Variants in ICE2 observed in about 807,000 individuals in gnomAD.
ICE2 encodes the protein interactor of little elongation complex ELL subunit 2.
Under a neutral mutation model 105.4 loss-of-function variants are expected in ICE2, and 87 were observed. That is an observed-to-expected ratio of 0.83 (90% CI 0.69 to 0.99). The LOEUF is 0.99. Among genes scored for constraint, ICE2 ranks in the 50% least tolerant of loss-of-function variants. The pLI, the probability that ICE2 is intolerant of heterozygous loss-of-function variation, is 0.00. For synonymous variants in ICE2, 399 were observed against 392.0 expected, an observed-to-expected ratio of 1.02 and a Z score of -0.21; for missense variants, 1,323 against 1,146.7, an observed-to-expected ratio of 1.15 and a Z score of -2.22.
chr15:60,436,031 A>C (rs1474436323), intron 13 of ICE2, 112 bp downstream of exon 13: 1 of 506,492 alleles, frequency 2.0e-6, no homozygotes, highest in Admixed American at 4.2e-5. Context: ...ACCTCTATAC[A>C]TAAAAAGACT....
intron 12 of ICE2, among the ~76,000 whole-genome samples, chr15:60,436,715 T>G (rs1418812066): frequency 6.7e-5 from 4 of 59,894 alleles, no homozygotes; most frequent in Admixed American, 2.2e-4. Flanking sequence ...AGCCAGACTC[T>G]GTCTCAAAAA....
chr15:60,428,119 C>A (rs2063377538), intron 15 of ICE2, among the ~76,000 whole-genome samples: 1 of 152,084 alleles, frequency 6.6e-6, no homozygotes, highest in African/African-American at 2.4e-5. Context: ...TTACAAAAAA[C>A]CCCACAACTT....
At chr15:60,468,363 A>G in intron 3 of ICE2, 41 bp from the exon 4 acceptor site, 2 of 1,473,244 alleles carry the variant, frequency 1.4e-6, no homozygotes, top group Non-Finnish European at 1.9e-6. Flanking sequence ...TGCTTTTCAC[A>G]TGAAGATTAC....
chr15:60,453,479 A>G lies in ICE2; in HGVS notation c.1125+124T>C, dbSNP rs1272665789. 4.8e-6 allele frequency: 7 copies of G among 1,446,202 alleles called. No homozygotes were observed. In the African/African-American group the frequency reaches 8.6e-5, roughly 18 times the overall value. 89.6% of individuals were successfully genotyped at this position (1,446,202 alleles called of 1,614,324 possible). A position where few individuals can be genotyped will look rare whatever the true frequency, so the allele number is the denominator to read the frequency against. ...AAAGTCCAGCTAGACTCGAAATTCA[A>G]TTTCAGTTTGAATCTAAAGCCTGTA... On this transcript the variant is annotated intron_variant, in intron 9 of 15. Transcript: ENST00000261520.
Position 60,448,977 on chromosome 15 carries a change from G to C in ICE2, c.1990C>G (p.Pro664Ala). 1 of 1,614,006 alleles carries C rather than the reference G, an allele frequency of 6.2e-7. No homozygotes were observed. ...ELLKPISRKV[P>A]ELPLMNLENS... ...TCTAAATTCATTAAGGGCAATTCTG[G>C]TACTTTTCTGGAAATTGGCTTTAAG... Residue 664 changes from proline (P) to alanine (A), a missense_variant, in exon 10 of 16, where the codon CCA becomes GCA. Physicochemically the swap from Pro to Ala is conservative, Grantham distance 27 (BLOSUM62 -1). Transcript: ENST00000261520.
chr15:60,470,419 C>T (rs761377341), intron 3 of ICE2, among the ~76,000 whole-genome samples: 14 of 152,102 alleles, frequency 9.2e-5, no homozygotes, highest in Non-Finnish European at 1.8e-4. Flanking sequence ...CCAGGGCATT[C>T]TGGAAGCCTG....
At chr15:60,424,557 A>G (rs1421404212) in intron 15 of ICE2, among the ~76,000 whole-genome samples, 2 of 152,022 alleles carry the variant, frequency 1.3e-5, no homozygotes, top group Non-Finnish European at 2.9e-5. Flanking sequence ...CCCAGGCTGG[A>G]GGACAGTTGG....
intron 3 of ICE2, among the ~76,000 whole-genome samples, chr15:60,473,025 C>G (rs2064650182): frequency 6.6e-6 from 1 of 151,702 alleles, no homozygotes; most frequent in Non-Finnish European, 1.5e-5. Context: ...CTCACTGTAG[C>G]CTTGACGTCC....
chr15:60,462,361 T>C (rs1226635227), intron 5 of ICE2, among the ~76,000 whole-genome samples: 25 of 152,196 alleles, frequency 1.6e-4, no homozygotes, highest in Admixed American at 1.6e-3. Flanking sequence ...GTGATGATAG[T>C]TAATTACAAT....
At chr15:60,451,914 G>T in intron 9 of ICE2, 1 of 251,156 alleles carries the variant, frequency 4.0e-6, no homozygotes, top group Non-Finnish European at 6.3e-6. Flanking sequence ...GTTTTCTTCA[G>T]TATCTCAGCC....
intron 10 of ICE2, 38 bp downstream of exon 10, chr15:60,448,810 A>G (rs2063885843): frequency 1.3e-6 from 2 of 1,519,946 alleles, no homozygotes; most frequent in African/African-American, 1.4e-5. Context: ...AAAAAGAACA[A>G]GTAAAACACT....
In ICE2 at chr15:60,456,778, C is replaced by A. The variant is rs543933235; in HGVS notation, c.545G>T (p.Cys182Phe). The A allele has an allele frequency of 2.7e-6, 4 of 1,489,540 alleles. No homozygotes were observed. Among genetic ancestry groups the A allele is most frequent in the Non-Finnish European group, 1.8e-6 (2 of 1,120,048 alleles). The allele number at this position is 1,489,540 out of a possible 1,614,324, so 92.3% of individuals were successfully genotyped here. ...RLFTEKILRA[C>F]IEQVKKYSEF... ...TGAATACTTTTTCACTTGTTCAATG[C>A]AAGCTCTTAAAATTTTCTGAGAAAC... Residue 182 changes from cysteine to phenylalanine, a missense_variant, in exon 6 of 16, where the codon TGC (cysteine) becomes TTC (phenylalanine). By Grantham distance (205) the Cys-to-Phe change is radical. Transcript: ENST00000261520.
intron 9 of ICE2, chr15:60,453,332 T>G: frequency 8.4e-7 from 1 of 1,188,910 alleles, no homozygotes; most frequent in South Asian, 2.9e-5. Flanking sequence ...ACTAAAAACG[T>G]GCTCAGCCTT....
rs1370018666 is a variant in ICE2 at position 60,422,544 on chromosome 15, T to C, written c.*1090A>G. 5.3e-5 allele frequency: 8 copies of C among 151,950 alleles called. No homozygotes were observed. The allele number at this position is 151,950 out of a possible 1,614,324, so 9.4% of individuals were successfully genotyped here. On this transcript the variant is annotated 3_prime_UTR_variant, in exon 16 of 16. Transcript: ENST00000261520. The stretch of plus-strand genomic sequence containing the variant: ...CAATCAGTATAGATGAGGATAAAAA[T>C]AGCTTATGCTGGCCAGGCACGGTGG...
chr15:60,467,102 T>A (rs534859390), intron 4 of ICE2, among the ~76,000 whole-genome samples: 1 of 152,082 alleles, frequency 6.6e-6, no homozygotes, highest in Admixed American at 6.5e-5. Flanking sequence ...GCTGGCTATA[T>A]AGGTGCCTGC....
intron 15 of ICE2, among the ~76,000 whole-genome samples, chr15:60,425,285 C>T (rs941468743): frequency 1.3e-5 from 2 of 152,064 alleles, no homozygotes; most frequent in Admixed American, 6.6e-5. Flanking sequence ...AAAAGTGCTG[C>T]GACTTTTGGA....
Position 60,468,045 on chromosome 15 carries a change from A to G in ICE2, c.408+16T>C. On this transcript the variant is annotated intron_variant, in intron 4 of 15. Transcript: ENST00000261520. ...TTTTATTATTTTTTCCTGAAACTGA[A>G]GAACACAATACATACCAAGTACTGC... 1 of 1,492,692 alleles carries G rather than the reference A, an allele frequency of 6.7e-7. No homozygotes were observed. Among genetic ancestry groups the G allele is most frequent in the Non-Finnish European group, 9.0e-7 (1 of 1,115,830 alleles). The allele number at this position is 1,492,692 out of a possible 1,614,324, so 92.5% of individuals were successfully genotyped here.
chr15:60,464,040 C>A (rs527494245), intron 5 of ICE2, among the ~76,000 whole-genome samples: 2 of 152,042 alleles, frequency 1.3e-5, no homozygotes, highest in Non-Finnish European at 2.9e-5. Context: ...TTTTTTCTTT[C>A]GTTCTATATA....
In ICE2 at chr15:60,456,578, T is replaced by TAC. The variant is rs879176733; in HGVS notation, c.666+78_666+79insGT. 69 of 114,682 alleles carry TAC rather than the reference T, an allele frequency of 6.0e-4. 1 individual carries two copies. In the East Asian group the frequency reaches 9.5e-3, roughly 16 times the overall value. The allele number at this position is 114,682 out of a possible 1,614,324, so 7.1% of individuals were successfully genotyped here. ...AAATAAATAAATAAATATATATATA[T>TAC]ATATATACACACACACACACACACA... is the stretch of plus-strand genomic sequence containing the variant. On this transcript the variant is annotated intron_variant, in intron 6 of 15. Transcript: ENST00000261520.
Sources: allele counts gnomAD v4.1 joint callset (sites outside exome capture counted in the v4.1 genomes callset), GRCh38; gene constraint gnomAD v4.1.1; transcripts MANE v1.5; gene names NCBI Gene and HGNC (gene_info 2026-07-23, HGNC 2026-07-21).